PPP2R2B: variants seen among roughly 807,000 people sequenced by gnomAD.
PPP2R2B encodes the protein protein phosphatase 2 regulatory subunit Bbeta.
A neutral mutation model predicts 46.0 loss-of-function variants in PPP2R2B; 5 were observed. That is an observed-to-expected ratio of 0.11 (90% CI 0.06 to 0.23). The LOEUF (loss-of-function observed/expected upper bound fraction) is 0.23, where lower values mean the gene tolerates loss of function less well. Among genes scored for constraint, PPP2R2B ranks in the 10% least tolerant of loss-of-function variants. PPP2R2B has a pLI of 1.00. For synonymous variants in PPP2R2B, 215 were observed against 206.7 expected, an observed-to-expected ratio of 1.04 and a Z score of -0.34; for missense variants, 367 against 575.0, an observed-to-expected ratio of 0.64 and a Z score of 3.70.
chr5:146,874,970 A>G (rs568666746), intron 2 of PPP2R2B, among the ~76,000 whole-genome samples: 3 of 152,358 alleles, frequency 2.0e-5, no homozygotes, highest in African/African-American at 7.2e-5. Flanking sequence ...TAGCTTATAC[A>G]CTGAGATAAA....
At chr5:147,010,664 T>C (rs1754680121) in intron 1 of PPP2R2B, among the ~76,000 whole-genome samples, 1 of 152,134 alleles carries the variant, frequency 6.6e-6, no homozygotes, top group African/African-American at 2.4e-5. Context: ...TAAATACAGA[T>C]GAAGCTTCAC....
intron 2 of PPP2R2B, among the ~76,000 whole-genome samples, chr5:146,842,935 T>A (rs555546210): frequency 6.6e-6 from 1 of 152,372 alleles, no homozygotes; most frequent in South Asian, 2.1e-4. Flanking sequence ...ACGCCTGTAA[T>A]CCCAGAACTT....
intron 7 of PPP2R2B, among the ~76,000 whole-genome samples, chr5:146,634,576 C>G (rs1463077572): frequency 3.3e-5 from 5 of 152,048 alleles, no homozygotes; most frequent in Admixed American, 6.6e-5. Flanking sequence ...CTTGGGTGAT[C>G]TGCCCGCCTC....
intron 1 of PPP2R2B, among the ~76,000 whole-genome samples, chr5:147,019,674 T>C (rs1372126513): frequency 6.6e-6 from 1 of 152,184 alleles, no homozygotes; most frequent in African/African-American, 2.4e-5. Context: ...TGGGATCTAC[T>C]ACCAAAAATA....
At chr5:146,816,265 C>A (rs1757926387) in intron 2 of PPP2R2B, among the ~76,000 whole-genome samples, 1 of 152,004 alleles carries the variant, frequency 6.6e-6, no homozygotes, top group Non-Finnish European at 1.5e-5. Flanking sequence ...ATTGGCTGGG[C>A]ATGGCAGCAC....
chr5:146,897,361 A>C (rs541086585), intron 1 of PPP2R2B, among the ~76,000 whole-genome samples: 16 of 152,310 alleles, frequency 1.1e-4, no homozygotes, highest in South Asian at 1.0e-3. Context: ...ATACAATAAA[A>C]AGTTCTTCCT....
At chr5:146,643,922 C>T (rs904783363) in intron 6 of PPP2R2B, among the ~76,000 whole-genome samples, 3 of 152,118 alleles carry the variant, frequency 2.0e-5, no homozygotes, top group African/African-American at 7.2e-5. Flanking sequence ...TGGGCCTTTG[C>T]CACCGCTATT....
intron 2 of PPP2R2B, among the ~76,000 whole-genome samples, chr5:146,775,445 C>T (rs1755124373): frequency 6.6e-6 from 1 of 152,098 alleles, no homozygotes; most frequent in Non-Finnish European, 1.5e-5. Context: ...TAACAAATAT[C>T]CTTTCATGAT....
chr5:146,742,909 G>A (rs1214417510), intron 2 of PPP2R2B, among the ~76,000 whole-genome samples: 2 of 152,174 alleles, frequency 1.3e-5, no homozygotes, highest in African/African-American at 2.4e-5. Context: ...GCATCTGCAA[G>A]CCAAGGACTG....
intron 1 of PPP2R2B, among the ~76,000 whole-genome samples, chr5:146,889,381 G>A (rs1385704240): frequency 1.3e-5 from 2 of 152,130 alleles, no homozygotes; most frequent in Admixed American, 6.5e-5. Flanking sequence ...TGGGTCACAT[G>A]GTTATCAGGT....
chr5:146,715,452 G>T (rs1561853645), intron 2 of PPP2R2B, among the ~76,000 whole-genome samples: 1 of 152,136 alleles, frequency 6.6e-6, no homozygotes, highest in Non-Finnish European at 1.5e-5. Context: ...TTGGCCTACT[G>T]CAAGCCAGGC....
chr5:146,669,549 G>T (rs1418124828), intron 5 of PPP2R2B, among the ~76,000 whole-genome samples: 2 of 151,808 alleles, frequency 1.3e-5, no homozygotes, highest in Non-Finnish European at 2.9e-5. Flanking sequence ...AAATCTTATG[G>T]GTGATTTATG....
At chr5:146,717,866 A>G (rs991818427) in intron 2 of PPP2R2B, among the ~76,000 whole-genome samples, 30 of 152,068 alleles carry the variant, frequency 2.0e-4, no homozygotes, top group African/African-American at 7.2e-4. Context: ...CCTTTTCCTT[A>G]GCCAACATCT....
chr5:147,032,099 G>A (rs1340647747), intron 1 of PPP2R2B, among the ~76,000 whole-genome samples: 1 of 152,184 alleles, frequency 6.6e-6, no homozygotes, highest in Non-Finnish European at 1.5e-5. Context: ...AGTCAGCAGA[G>A]TAAACAGACA....
chr5:146,604,757 G>A (rs761660149), intron 7 of PPP2R2B, among the ~76,000 whole-genome samples: 22 of 152,180 alleles, frequency 1.4e-4, no homozygotes, highest in Non-Finnish European at 2.9e-4. Flanking sequence ...CAGGAGGAAA[G>A]GTTCAGTAAG....
At chr5:146,870,101 T>C (rs1015206775) in intron 2 of PPP2R2B, among the ~76,000 whole-genome samples, 1 of 152,194 alleles carries the variant, frequency 6.6e-6, no homozygotes, top group African/African-American at 2.4e-5. Flanking sequence ...AAGCTGATCC[T>C]TCTACGTCAA....
intron 1 of PPP2R2B, among the ~76,000 whole-genome samples, chr5:147,030,795 T>C (rs1202793944): frequency 1.3e-5 from 2 of 152,184 alleles, no homozygotes; most frequent in Non-Finnish European, 2.9e-5. Context: ...GTGTTATTTT[T>C]GTCCCCTGTT....
At chr5:146,597,063 A>G (rs1312361696) in intron 8 of PPP2R2B, among the ~76,000 whole-genome samples, 1 of 152,108 alleles carries the variant, frequency 6.6e-6, no homozygotes, top group Non-Finnish European at 1.5e-5. Flanking sequence ...AACTATTCCT[A>G]TTTAAAGTCT....
intron 2 of PPP2R2B, among the ~76,000 whole-genome samples, chr5:146,815,414 A>C (rs921338321): frequency 2.6e-5 from 4 of 152,238 alleles, no homozygotes; most frequent in Admixed American, 2.6e-4. Flanking sequence ...TTATCTTAGC[A>C]GGTTGCACAA....
Sources: allele counts gnomAD v4.1 joint callset (sites outside exome capture counted in the v4.1 genomes callset), GRCh38; gene constraint gnomAD v4.1.1; transcripts MANE v1.5; gene names NCBI Gene and HGNC (gene_info 2026-07-23, HGNC 2026-07-21).